Variants in CUBN observed in about 807,000 individuals in gnomAD.
The protein encoded by CUBN is 460 kDa receptor.
In CUBN, 282 loss-of-function variants were observed where a neutral mutation model predicts 405.3. The observed-to-expected ratio is 0.70, with a 90% CI of 0.63 to 0.77. The LOEUF (loss-of-function observed/expected upper bound fraction) is 0.77, where lower values mean the gene tolerates loss of function less well. Among genes scored for constraint, CUBN ranks in the 30% least tolerant of loss-of-function variants. The pLI is 0.00. For missense variants in CUBN, 4,514 were observed against 4,475.2 expected (o/e 1.01, Z -0.25); for synonymous variants, 1,684 against 1,617.0 (o/e 1.04, Z -0.99).
At chr10:16,972,131 G>T (rs1434579897) in intron 31 of CUBN, among the ~76,000 whole-genome samples, 1 of 152,066 alleles carries the variant, frequency 6.6e-6, no homozygotes, top group Non-Finnish European at 1.5e-5. Flanking sequence ...TCTCCACCAA[G>T]CACTCAGCGC....
chr10:16,909,114 T>C (rs989656544), intron 48 of CUBN, among the ~76,000 whole-genome samples: 19 of 151,656 alleles, frequency 1.3e-4, no homozygotes, highest in African/African-American at 3.6e-4. Flanking sequence ...CTCGATCTCC[T>C]GACCTCATGA....
chr10:16,890,309 G>C (rs1240493358), intron 55 of CUBN, 62 bp downstream of exon 55: 18 of 1,573,574 alleles, frequency 1.1e-5, no homozygotes, highest in Non-Finnish European at 1.5e-5. Flanking sequence ...AGCCAACCCT[G>C]CCTGCCTGTG....
At chr10:16,866,181 GA>G (rs147883401) in intron 59 of CUBN, among the ~76,000 whole-genome samples, 53 of 147,538 alleles carry the variant, frequency 3.6e-4, no homozygotes, top group Admixed American at 1.4e-3. Context: ...CATCATTTTA[GA>G]AAAAAAAAAT....
intron 51 of CUBN, among the ~76,000 whole-genome samples, chr10:16,902,336 G>A (rs1382437194): frequency 7.1e-6 from 1 of 140,098 alleles, no homozygotes; most frequent in African/African-American, 2.6e-5. Context: ...TATATATTTT[G>A]TATTTTTTTG....
intron 43 of CUBN, among the ~76,000 whole-genome samples, chr10:16,923,847 G>A (rs1279591657): frequency 6.6e-6 from 1 of 152,138 alleles, no homozygotes; most frequent in Non-Finnish European, 1.5e-5. Context: ...CAAGGCAGGT[G>A]GCTCACCTGA....
chr10:16,954,780 T>A (rs985465174), intron 31 of CUBN, among the ~76,000 whole-genome samples: 2 of 152,116 alleles, frequency 1.3e-5, no homozygotes, highest in South Asian at 2.1e-4. Context: ...TTAGATTTCT[T>A]GATATCTTCA....
rs1044538666 is a variant in CUBN, at chr10:17,102,615, T to A, written c.1530+510A>T. ...TTACTCTTTTTTTTTTTTTTTTTTT[T>A]TTTTTTTGTGAGATGGAGTCTTACT... On this transcript the variant is annotated intron_variant, in intron 13 of 66. Transcript: ENST00000377833. 5.1e-3 allele frequency among the ~76,000 whole-genome samples: 713 copies of A among 140,532 alleles called. 37 individuals carry two copies. The highest frequency in any genetic ancestry group is 0.018 in the East Asian group (83 of 4,644). The allele number at this position is 140,532 out of a possible 152,430, so 92.2% of individuals were successfully genotyped here. A position where few individuals can be genotyped will look rare whatever the true frequency, so the allele number is the denominator to read the frequency against.
rs771092556 is a variant in CUBN at position 17,071,895 on chromosome 10, C to T, written c.2378G>A (p.Ser793Asn). 2.5e-6 allele frequency: 4 copies of T among 1,612,850 alleles called. No individual in the cohort carries two copies. Among genetic ancestry groups the T allele is most frequent in the Non-Finnish European group, 3.4e-6 (4 of 1,179,242 alleles). ...ATCTATTTTAAACCTGATCCAGACA[C>T]TATTAGTAATGGATTTAATGTGAGA... ...TISHIKSITNSVWIRFKIDAS... is the reference protein window; with the variant it reads ...TISHIKSITNNVWIRFKIDAS... Residue 793 changes from serine to asparagine, a missense_variant, in exon 18 of 67, where the codon AGT becomes AAT. By Grantham distance (46) the Ser-to-Asn change is conservative. Transcript: ENST00000377833.
rs369136480 is a variant in CUBN, at chr10:16,834,969, C to T, written c.10362+45G>A. 19 of 1,553,708 alleles carry T rather than the reference C, an allele frequency of 1.2e-5. No homozygotes were observed. In the African/African-American group the frequency reaches 2.0e-4, roughly 17 times the overall value. ...AGGTGTAAAATCTTAAGTGATCCAC[C>T]ATCTTTTAAATAATTCATTCAAACG... On this transcript the variant is annotated intron_variant, in intron 64 of 66. Coordinates refer to ENST00000377833, the MANE Select transcript of CUBN (RefSeq NM_001081.4).
rs1404059307 is a variant in CUBN, at chr10:16,915,994, A to C, written c.7037T>G (p.Val2346Gly). Residue 2346 changes from valine (V) to glycine (G), a missense_variant, in exon 46 of 67, where the codon GTT becomes GGT. Val to Gly is a moderately radical substitution (Grantham distance 109, BLOSUM62 -3). This residue lies in a region of CUBN where 1,613 missense variants were observed against 1,542.8 expected (regional missense o/e 1.05). Transcript: ENST00000377833. ...TGTTGGATGTCCAATGCTTTCAACA[A>C]CACCACTTTGCCCTGGTACTCTTCC... ...CGGRVPGQSG[V>G]VESIGHPTLP... is the part of the protein sequence containing the mutation. 1.2e-6 allele frequency: 2 copies of C among 1,614,048 alleles called. No homozygotes were observed. Among genetic ancestry groups the C allele is most frequent in the South Asian group, 1.1e-5 (1 of 91,088 alleles).
intron 62 of CUBN, among the ~76,000 whole-genome samples, chr10:16,839,269 C>A (rs540502614): frequency 6.8e-4 from 104 of 152,254 alleles, no homozygotes; most frequent in African/African-American, 2.4e-3. Context: ...AGCTCTGGAC[C>A]TGCAGGACCA....
rs372553762 is a variant in CUBN at position 17,034,419 on chromosome 10, AG to A, written c.4017+6613del. ...TCACTGGAAAGTAACATTTAATAGCAGGCAAATGTATGTTAACAAGATGCCT... is the reference window on the plus strand; with the variant it reads ...TCACTGGAAAGTAACATTTAATAGCAGCAAATGTATGTTAACAAGATGCCT... On this transcript the variant is annotated intron_variant, in intron 27 of 66. Transcript: ENST00000377833. 4.3e-3 allele frequency among the ~76,000 whole-genome samples: 661 copies of A among 152,358 alleles called. 4 individuals are homozygous for A. The highest frequency in any genetic ancestry group is 0.015 in the African/African-American group (619 of 41,584).
chr10:16,880,328 G>C (rs1840631960), intron 56 of CUBN, among the ~76,000 whole-genome samples: 1 of 152,180 alleles, frequency 6.6e-6, no homozygotes, highest in Admixed American at 6.5e-5. Flanking sequence ...CATGGCATCA[G>C]ACCCAATCCA....
chr10:17,078,068 C>T (rs989067004), intron 17 of CUBN, among the ~76,000 whole-genome samples: 60 of 152,228 alleles, frequency 3.9e-4, no homozygotes, highest in African/African-American at 1.3e-3. Flanking sequence ...CTCTTCTCCT[C>T]CCCATCATCA....
intron 22 of CUBN, among the ~76,000 whole-genome samples, chr10:17,053,642 C>A (rs1835321997): frequency 6.6e-6 from 1 of 152,000 alleles, no homozygotes; most frequent in African/African-American, 2.4e-5. Flanking sequence ...GATTTTAACA[C>A]CTTTCTCTCA....
chr10:16,883,195 G>A (rs948293821), intron 56 of CUBN, among the ~76,000 whole-genome samples: 18 of 152,204 alleles, frequency 1.2e-4, no homozygotes, highest in African/African-American at 4.1e-4. Context: ...TTTACCCTGA[G>A]TAGCTGGGAG....
chr10:17,008,640 T>G (rs551339418), intron 28 of CUBN, among the ~76,000 whole-genome samples: 1 of 152,132 alleles, frequency 6.6e-6, no homozygotes, highest in East Asian at 1.9e-4. Flanking sequence ...CCTAGTTAAC[T>G]CCTGCTTATT....
intron 56 of CUBN, among the ~76,000 whole-genome samples, chr10:16,883,677 C>T (rs946860815): frequency 1.3e-5 from 2 of 152,138 alleles, no homozygotes; most frequent in Admixed American, 1.3e-4. Flanking sequence ...TAAACTGGGA[C>T]TTCAGTTAAT....
chr10:16,980,159 T>G (rs1314251883), intron 31 of CUBN, among the ~76,000 whole-genome samples: 1 of 152,190 alleles, frequency 6.6e-6, no homozygotes, highest in Non-Finnish European at 1.5e-5. Flanking sequence ...CTCACGCCAG[T>G]TAGAATGGCA....
Sources: allele counts gnomAD v4.1 joint callset (sites outside exome capture counted in the v4.1 genomes callset), GRCh38; gene constraint gnomAD v4.1.1; regional missense constraint gnomAD v4.1.1; transcripts MANE v1.5; gene names NCBI Gene and HGNC (gene_info 2026-07-23, HGNC 2026-07-21).